Variants in LARGE1 observed in about 807,000 individuals in gnomAD.
LARGE1 encodes LARGE xylosyl- and glucuronyltransferase 1.
Under a neutral mutation model 87.6 loss-of-function variants are expected in LARGE1, and 43 were observed. The ratio of observed to expected loss-of-function variants is 0.49; its 90% confidence interval spans 0.38 to 0.63. LARGE1 has a LOEUF of 0.63. Among genes scored for constraint, LARGE1 ranks in the 30% least tolerant of loss-of-function variants. The pLI, the probability that LARGE1 is intolerant of heterozygous loss-of-function variation, is 0.00. For missense variants in LARGE1, 802 were observed against 1,000.2 expected (o/e 0.80, Z 2.67); for synonymous variants, 434 against 394.6 (o/e 1.10, Z -1.18).
At chr22:33,152,868 A>G in the LARGE1 span, among the ~76,000 whole-genome samples, 1 of 151,786 alleles carries the variant, frequency 6.6e-6, no homozygotes, top group African/African-American at 2.4e-5. Context: ...TTATTTTGTT[A>G]TTATTTTTTA....
chr22:33,071,799 G>C, the LARGE1 span, among the ~76,000 whole-genome samples: 4 of 152,140 alleles, frequency 2.6e-5, no homozygotes, highest in Admixed American at 2.6e-4. Flanking sequence ...GATGTCCAGG[G>C]GCCCACGTTT....
chr22:33,712,375 G>C (rs1237542197), intron 2 of LARGE1, among the ~76,000 whole-genome samples: 1 of 152,166 alleles, frequency 6.6e-6, no homozygotes, highest in African/African-American at 2.4e-5. Flanking sequence ...GCAGGCACGA[G>C]AAGACGGATC....
intron 6 of LARGE1, among the ~76,000 whole-genome samples, chr22:33,486,292 A>C (rs1300515391): frequency 3.3e-5 from 5 of 152,244 alleles, no homozygotes; most frequent in African/African-American, 4.8e-5. Flanking sequence ...CAGAGAAGAC[A>C]GCATGAAGTT....
chr22:33,840,066 G>C lies in LARGE1; in HGVS notation c.-82-78508C>G, dbSNP rs116338613. Among the ~76,000 whole-genome samples the C allele has an allele frequency of 9.4e-3, 1,439 of 152,302 alleles. 19 individuals are homozygous for C. Among genetic ancestry groups the C allele is most frequent in the African/African-American group, 0.031 (1,307 of 41,564 alleles). On this transcript the variant is annotated intron_variant, in intron 1 of 14. Coordinates refer to ENST00000397394, the MANE Select transcript of LARGE1 (RefSeq NM_133642.5). ...CCTCTAAAATGCCTCCGAATTGAAG[G>C]TGGTAAGAAACTATGTAAACCAACA...
chr22:33,675,575 A>T (rs1302600879), intron 2 of LARGE1, among the ~76,000 whole-genome samples: 1 of 152,172 alleles, frequency 6.6e-6, no homozygotes, highest in East Asian at 1.9e-4. Flanking sequence ...TGGGTGAAAC[A>T]GGGTGAACAA....
At chr22:33,595,939 G>C (rs892626515) in intron 5 of LARGE1, among the ~76,000 whole-genome samples, 13 of 152,220 alleles carry the variant, frequency 8.5e-5, no homozygotes, top group African/African-American at 2.9e-4. Flanking sequence ...GAAGATTTCA[G>C]TAAGGCATAA....
rs561143277 is a variant in LARGE1 at position 33,509,457 on chromosome 22, A to AT, written c.787+55390dup. Among the ~76,000 whole-genome samples, 573 of 149,634 alleles carry AT rather than the reference A, an allele frequency of 3.8e-3. 4 individuals carry two copies. Among genetic ancestry groups the AT allele is most frequent in the Middle Eastern group, 6.9e-3 (2 of 290 alleles). On this transcript the variant is annotated intron_variant, in intron 6 of 14. Coordinates refer to ENST00000397394, the MANE Select transcript of LARGE1 (RefSeq NM_133642.5). ...GTCCTCTATGGAAAGAGGGATTTTT[A>AT]TTTTTTTTTTAAGAGACAGGGTCTT...
chr22:33,686,013 A>T (rs550278613), intron 2 of LARGE1, among the ~76,000 whole-genome samples: 1 of 152,208 alleles, frequency 6.6e-6, no homozygotes, highest in South Asian at 2.1e-4. Context: ...GAATTCATTT[A>T]TGGTAGTATT....
At chr22:33,475,392 A>G (rs1303934341) in intron 6 of LARGE1, among the ~76,000 whole-genome samples, 1 of 152,092 alleles carries the variant, frequency 6.6e-6, no homozygotes, top group Non-Finnish European at 1.5e-5. Context: ...ACCAGTTCCT[A>G]GTACCTACTT....
chr22:33,418,148 C>T (rs948033630), intron 7 of LARGE1, among the ~76,000 whole-genome samples: 9 of 152,094 alleles, frequency 5.9e-5, no homozygotes, highest in Non-Finnish European at 1.0e-4. Context: ...GAGGTTTCAC[C>T]GTGTTAGCCA....
chr22:33,371,089 C>T (rs1239836917), intron 9 of LARGE1, among the ~76,000 whole-genome samples: 3 of 149,842 alleles, frequency 2.0e-5, no homozygotes, highest in Non-Finnish European at 4.4e-5. Flanking sequence ...ATGAATAATA[C>T]ATATTATATA....
intron 6 of LARGE1, among the ~76,000 whole-genome samples, chr22:33,558,705 T>C (rs1057229888): frequency 2.6e-5 from 4 of 152,140 alleles, no homozygotes; most frequent in Non-Finnish European, 5.9e-5. Flanking sequence ...TGAAGAAACT[T>C]CAAAGAGCAT....
intron 11 of LARGE1, among the ~76,000 whole-genome samples, chr22:33,173,627 T>G (rs1922698442): frequency 7.2e-6 from 1 of 139,678 alleles, no homozygotes; most frequent in African/African-American, 2.7e-5. Flanking sequence ...AAGCTCAAAA[T>G]AAAGGGAAGG....
At chr22:33,651,571 A>G (rs1220336021) in intron 2 of LARGE1, among the ~76,000 whole-genome samples, 1 of 152,172 alleles carries the variant, frequency 6.6e-6, no homozygotes, top group African/African-American at 2.4e-5. Context: ...ATTTGTATGT[A>G]GCGCTATGAA....
intron 2 of LARGE1, among the ~76,000 whole-genome samples, chr22:33,720,913 AG>A (rs2083076248): frequency 6.6e-6 from 1 of 152,222 alleles, no homozygotes; most frequent in Non-Finnish European, 1.5e-5. Context: ...CCCAATTCCC[AG>A]GAATGCCCTC....
chr22:33,077,204 A>G, the LARGE1 span, among the ~76,000 whole-genome samples: 53 of 152,330 alleles, frequency 3.5e-4, no homozygotes, highest in Non-Finnish European at 6.3e-4. Flanking sequence ...AAGTTACATA[A>G]TAATGATTAA....
At chr22:33,800,431 G>T (rs973057972) in intron 1 of LARGE1, among the ~76,000 whole-genome samples, 4 of 152,208 alleles carry the variant, frequency 2.6e-5, no homozygotes, top group Middle Eastern at 3.4e-3. Context: ...AGGCTTTTTT[G>T]TATTTGTGTG....
chr22:33,211,603 C>T (rs2146233610), intron 11 of LARGE1, among the ~76,000 whole-genome samples: 1 of 152,086 alleles, frequency 6.6e-6, no homozygotes, highest in South Asian at 2.1e-4. Flanking sequence ...GAAATCCCGT[C>T]TCTACTAAAA....
chr22:33,344,008 G>A (rs1939454446), intron 9 of LARGE1, among the ~76,000 whole-genome samples: 1 of 152,174 alleles, frequency 6.6e-6, no homozygotes, highest in Admixed American at 6.5e-5. Context: ...AAAGAGGTGG[G>A]CTGGGAGGCT....
Sources: allele counts gnomAD v4.1 joint callset (sites outside exome capture counted in the v4.1 genomes callset), GRCh38; gene constraint gnomAD v4.1.1; transcripts MANE v1.5; gene names NCBI Gene and HGNC (gene_info 2026-07-23, HGNC 2026-07-21).